Variants in LIN52 observed in about 807,000 individuals in gnomAD.
The protein encoded by LIN52 is lin-52 DREAM MuvB core complex component.
In LIN52, 4 loss-of-function variants were observed where a neutral mutation model predicts 18.5. The observed-to-expected ratio is 0.22, with a 90% CI of 0.11 to 0.49. The LOEUF is 0.49. LIN52 is among the 20% of genes least tolerant of loss of function. The pLI, the probability that LIN52 is intolerant of heterozygous loss-of-function variation, is 0.97. For missense variants in LIN52, 102 were observed against 139.5 expected (o/e 0.73, Z 1.35); for synonymous variants, 34 against 45.5 (o/e 0.75, Z 1.02).
chr14:74,181,793 T>C (rs757248787), intron 5 of LIN52, among the ~76,000 whole-genome samples: 6 of 152,206 alleles, frequency 3.9e-5, no homozygotes, highest in Non-Finnish European at 8.8e-5. Flanking sequence ...GAAAGTTTAC[T>C]AGCGGTTATT....
intron 2 of LIN52, among the ~76,000 whole-genome samples, chr14:74,093,215 G>A (rs893531298): frequency 6.6e-6 from 1 of 150,504 alleles, no homozygotes; most frequent in African/African-American, 2.4e-5. Flanking sequence ...CCAAAGTGCC[G>A]AAATTTCAGG....
In LIN52 at chr14:74,154,710, C is replaced by T. The variant is rs535483499; in HGVS notation, c.284-44212C>T. 5.9e-5 allele frequency among the ~76,000 whole-genome samples: 9 copies of T among 152,194 alleles called. No homozygotes were observed. The East Asian group carries it at 7.7e-4, about 13-fold the overall frequency. On this transcript the variant is annotated intron_variant, in intron 5 of 5. Transcript: ENST00000555028. ...GTGAATTGCTAATTGATTAGAGTTG[C>T]GGAAATTATCCACAAAGCTGTTTTG...
Position 74,187,184 on chromosome 14 carries a change from C to A in LIN52, c.284-11738C>A, listed in dbSNP as rs552984043. ...TATAATTCCCATTTTACAGAAAAAA[C>A]CAATGTTCAGAAAAGTAAATTACTT... is the stretch of plus-strand genomic sequence containing the variant. On this transcript the variant is annotated intron_variant, in intron 5 of 5. Coordinates refer to ENST00000555028, the MANE Select transcript of LIN52 (RefSeq NM_001024674.3). 7.9e-5 allele frequency among the ~76,000 whole-genome samples: 12 copies of A among 152,268 alleles called. No individual in the cohort carries two copies. In the South Asian group the frequency reaches 2.5e-3, roughly 32 times the overall value.
intron 5 of LIN52, among the ~76,000 whole-genome samples, chr14:74,122,060 A>G (rs2061003461): frequency 6.6e-6 from 1 of 152,214 alleles, no homozygotes; most frequent in Non-Finnish European, 1.5e-5. Flanking sequence ...GTAATGTAGT[A>G]TTTTATTTCT....
At chr14:74,125,288 C>T (rs1036383952) in intron 5 of LIN52, among the ~76,000 whole-genome samples, 1 of 152,294 alleles carries the variant, frequency 6.6e-6, no homozygotes, top group South Asian at 2.1e-4. Context: ...TGTTTCCTGA[C>T]TTTTTAGTGA....
chr14:74,117,420 A>G (rs575681856), intron 5 of LIN52, among the ~76,000 whole-genome samples: 7 of 152,186 alleles, frequency 4.6e-5, no homozygotes, highest in Non-Finnish European at 4.4e-5. Flanking sequence ...ATGTCTGTCA[A>G]TCTTAAATAG....
chr14:74,140,843 G>A (rs939138187), intron 5 of LIN52, among the ~76,000 whole-genome samples: 1 of 152,194 alleles, frequency 6.6e-6, no homozygotes, highest in Non-Finnish European at 1.5e-5. Context: ...AGATCTTTAT[G>A]GCCCTGGAGC....
chr14:74,183,108 T>C (rs561987339), intron 5 of LIN52, among the ~76,000 whole-genome samples: 2,366 of 151,876 alleles, frequency 0.016, 66 homozygotes, highest in African/African-American at 0.054. Flanking sequence ...TCTCTCTTTT[T>C]TTTTTTTTAG....
chr14:74,089,969 G>A (rs1349459938), intron 1 of LIN52, among the ~76,000 whole-genome samples: 1 of 152,006 alleles, frequency 6.6e-6, no homozygotes, highest in Non-Finnish European at 1.5e-5. Context: ...ATCTAGGGGT[G>A]GGTGCCTGTG....
At chr14:74,115,881 C>T (rs759826522) in intron 5 of LIN52, among the ~76,000 whole-genome samples, 3 of 152,142 alleles carry the variant, frequency 2.0e-5, no homozygotes, top group Non-Finnish European at 2.9e-5. Flanking sequence ...CCATAAAATG[C>T]TTGTGGTGTT....
At chr14:74,179,832 T>C (rs2061310333) in intron 5 of LIN52, among the ~76,000 whole-genome samples, 1 of 152,176 alleles carries the variant, frequency 6.6e-6, no homozygotes, top group Non-Finnish European at 1.5e-5. Context: ...CTGTTAGTAA[T>C]GAATTAGAGC....
intron 5 of LIN52, among the ~76,000 whole-genome samples, chr14:74,118,300 G>T (rs1017391326): frequency 6.6e-6 from 1 of 151,986 alleles, no homozygotes; most frequent in African/African-American, 2.4e-5. Flanking sequence ...GCTAAAATGA[G>T]AATTCAATCT....
chr14:74,110,523 A>T (rs2060919701), intron 5 of LIN52, among the ~76,000 whole-genome samples: 1 of 152,198 alleles, frequency 6.6e-6, no homozygotes, highest in Non-Finnish European at 1.5e-5. Flanking sequence ...TACAAAAATT[A>T]GCTGGGCATG....
At chr14:74,121,871 G>A (rs755161335) in intron 5 of LIN52, among the ~76,000 whole-genome samples, 21 of 151,790 alleles carry the variant, frequency 1.4e-4, no homozygotes, top group Non-Finnish European at 1.0e-4. Context: ...TTACAGGCGC[G>A]CACACCACGC....
At chr14:74,158,918 A>C (rs1269847138) in intron 5 of LIN52, among the ~76,000 whole-genome samples, 9 of 152,150 alleles carry the variant, frequency 5.9e-5, no homozygotes, top group Admixed American at 5.9e-4. Flanking sequence ...GCAACTTCTT[A>C]TGTTGCAAGT....
chr14:74,187,831 A>T (rs996601125), intron 5 of LIN52, among the ~76,000 whole-genome samples: 1 of 152,194 alleles, frequency 6.6e-6, no homozygotes. Flanking sequence ...CTGAGCACTT[A>T]ACTGTATTAT....
At chr14:74,098,280 A>T (rs1456729465) in intron 4 of LIN52, among the ~76,000 whole-genome samples, 1 of 152,120 alleles carries the variant, frequency 6.6e-6, no homozygotes, top group Non-Finnish European at 1.5e-5. Context: ...GCATTTTGGG[A>T]GGCCGAGGTG....
rs146840349 is a variant in LIN52 at position 74,172,422 on chromosome 14, T to C, written c.284-26500T>C. On this transcript the variant is annotated intron_variant, in intron 5 of 5. Transcript: ENST00000555028. ...GAGAATAATAAATTATATCTACTTA[T>C]AGGGGGGTTGTGAGAATTTTAAGTA... Among the ~76,000 whole-genome samples the C allele has an allele frequency of 1.0e-3, 156 of 152,312 alleles. 1 individual carries two copies. The highest frequency in any genetic ancestry group is 3.7e-3 in the African/African-American group (154 of 41,574).
intron 5 of LIN52, among the ~76,000 whole-genome samples, chr14:74,196,688 AGTTT>A (rs914677446): frequency 1.3e-5 from 2 of 152,322 alleles, no homozygotes; most frequent in East Asian, 3.9e-4. Context: ...CCCTTTGTGC[AGTTT>A]GTTCATTCAT....
Sources: gnomAD v4.1 joint callset for allele counts (sites outside exome capture counted in the v4.1 genomes callset) on GRCh38, gnomAD v4.1.1 for gene constraint, MANE v1.5 for transcripts, NCBI Gene and HGNC (gene_info 2026-07-23, HGNC 2026-07-21) for gene names.